Variants in UTRN observed in about 807,000 individuals in gnomAD.
The protein encoded by UTRN is utrophin.
UTRN carries 283 observed loss-of-function variants against 463.9 expected under a neutral mutation model. That is an observed-to-expected ratio of 0.61 (90% confidence interval 0.55 to 0.67). UTRN has a LOEUF of 0.67. Ranked by LOEUF, UTRN falls within the 30% of genes least tolerant of loss-of-function variation. The probability of loss-of-function intolerance (pLI) is 0.00; values close to 1 mark genes in which losing one functional copy is unlikely to be tolerated. For missense variants in UTRN, 3,922 were observed against 4,084.3 expected (o/e 0.96, Z 1.08); for synonymous variants, 1,442 against 1,431.5 (o/e 1.01, Z -0.17).
intron 74 of UTRN, among the ~76,000 whole-genome samples, chr6:144,849,124 A>G (rs1782270647): frequency 1.3e-5 from 2 of 152,220 alleles, no homozygotes; most frequent in South Asian, 4.1e-4. Flanking sequence ...GTTTGGGAAC[A>G]TGGGTTTTGC....
chr6:144,559,043 TAAC>T (rs1799631429), intron 50 of UTRN, among the ~76,000 whole-genome samples: 1 of 152,076 alleles, frequency 6.6e-6, no homozygotes, highest in South Asian at 2.1e-4. Flanking sequence ...CTTGTAAACT[TAAC>T]AAAAAATTTA....
At position 144,309,933 on chromosome 6, in the gene UTRN, G is replaced by C. The variant is rs527590541; in HGVS notation, c.79+18026G>C. Among the ~76,000 whole-genome samples, 287 of 152,306 alleles carry C rather than the reference G, an allele frequency of 1.9e-3. 2 individuals carry two copies. Among genetic ancestry groups the C allele is most frequent in the African/African-American group, 6.6e-3 (274 of 41,572 alleles). ...GAGCCCTCTTCTAGCAGATAACCTT[G>C]TGGCTAACTCCCTCCTCTCAGAGAG... is the stretch of plus-strand genomic sequence containing the variant. On this transcript the variant is annotated intron_variant, in intron 2 of 74. Coordinates refer to ENST00000367545, the MANE Select transcript of UTRN (RefSeq NM_007124.3).
At chr6:144,543,482 A>T (rs1354262570) in intron 46 of UTRN, among the ~76,000 whole-genome samples, 1 of 152,168 alleles carries the variant, frequency 6.6e-6, no homozygotes, top group African/African-American at 2.4e-5. Context: ...CTGAACCATC[A>T]TGCCCTGCTC....
chr6:144,649,182 AC>A (rs1368072481), intron 51 of UTRN, among the ~76,000 whole-genome samples: 1 of 152,206 alleles, frequency 6.6e-6, no homozygotes, highest in Non-Finnish European at 1.5e-5. Flanking sequence ...TTTAAAAAAA[AC>A]AAAACACGAG....
At chr6:144,530,181 AC>A (rs1796915754) in intron 41 of UTRN, among the ~76,000 whole-genome samples, 1 of 152,178 alleles carries the variant, frequency 6.6e-6, no homozygotes, top group Admixed American at 6.5e-5. Flanking sequence ...TTACTTTCCC[AC>A]AGTTCTGGAG....
intron 51 of UTRN, among the ~76,000 whole-genome samples, chr6:144,612,050 A>G (rs771151110): frequency 6.6e-6 from 1 of 152,170 alleles, no homozygotes; most frequent in Non-Finnish European, 1.5e-5. Flanking sequence ...AACAAGATAG[A>G]AAACCCACAA....
At chr6:144,750,283 G>A (rs1791240533) in intron 55 of UTRN, among the ~76,000 whole-genome samples, 1 of 150,028 alleles carries the variant, frequency 6.7e-6, no homozygotes, top group East Asian at 2.0e-4. Flanking sequence ...GTGTTTTTCT[G>A]TGTGTGCACA....
In UTRN at chr6:144,548,736, T is replaced by G; in HGVS notation, c.6692T>G (p.Leu2231Arg). 6.2e-7 allele frequency: 1 copy of G among 1,614,112 alleles called. No individual in the cohort carries two copies. ...RTSEISIPAD[L>R]DKTITELADW... ...TCGGAAATTTCAATTCCTGCTGATC[T>G]TGATAAAACTATAACAGAACTAGCC... The change falls in exon 47 of 75, where the codon CTT becomes CGT. Residue 2231 changes from leucine to arginine, a missense_variant. Leu to Arg is a moderately radical substitution (Grantham distance 102). Coordinates refer to ENST00000367545, the MANE Select transcript of UTRN (RefSeq NM_007124.3).
intron 50 of UTRN, among the ~76,000 whole-genome samples, chr6:144,569,259 A>C (rs1405482979): frequency 6.6e-6 from 1 of 152,100 alleles, no homozygotes; most frequent in Non-Finnish European, 1.5e-5. Context: ...ACTTAAACAC[A>C]TACATTCATT....
intron 51 of UTRN, among the ~76,000 whole-genome samples, chr6:144,592,537 A>G (rs1803199134): frequency 6.6e-6 from 1 of 151,904 alleles, no homozygotes. Flanking sequence ...CTTCCAGCTA[A>G]TTTTTGTATT....
intron 3 of UTRN, among the ~76,000 whole-genome samples, chr6:144,412,600 A>G (rs1233702539): frequency 6.6e-6 from 1 of 152,072 alleles, no homozygotes. Context: ...GAGAGAGACC[A>G]TAAAATTTAC....
intron 54 of UTRN, among the ~76,000 whole-genome samples, chr6:144,733,985 T>G (rs981170956): frequency 4.6e-5 from 7 of 152,210 alleles, no homozygotes; most frequent in Non-Finnish European, 1.0e-4. Flanking sequence ...AATAAAAGTT[T>G]GATGAAGAGT....
chr6:144,360,851 T>G (rs1779021343), intron 2 of UTRN, among the ~76,000 whole-genome samples: 2 of 152,200 alleles, frequency 1.3e-5, no homozygotes, highest in South Asian at 4.1e-4. Context: ...GTCTCCTTTC[T>G]CTACTCCCTA....
intron 2 of UTRN, among the ~76,000 whole-genome samples, chr6:144,381,290 A>G (rs1780896305): frequency 6.6e-6 from 1 of 152,088 alleles, no homozygotes. Flanking sequence ...TTCTGTTCAT[A>G]TGTTAATTTG....
chr6:144,406,356 CT>C (rs57721924), intron 3 of UTRN, among the ~76,000 whole-genome samples: 5,839 of 125,144 alleles, frequency 0.047, 114 homozygotes, highest in East Asian at 0.15. Context: ...TTTTTCTTTT[CT>C]TTTTTTTTTT....
At chr6:144,772,949 T>C (rs1278738303) in intron 59 of UTRN, among the ~76,000 whole-genome samples, 1 of 151,450 alleles carries the variant, frequency 6.6e-6, no homozygotes, top group Non-Finnish European at 1.5e-5. Context: ...CCTTTTTTAA[T>C]CTCTTTAAAT....
rs530132148 is a variant in UTRN, at chr6:144,444,319, T to C, written c.1551T>C (p.Thr517=). The change falls in exon 14 of 75, where the codon ACT becomes ACC. Residue 517 remains threonine (T), a synonymous_variant. Coordinates refer to ENST00000367545, the MANE Select transcript of UTRN (RefSeq NM_007124.3). ...GERWTAVCRW[T]EERWNRLQEI... is the part of the protein sequence containing the mutation. ...GCTGGACAGCAGTATGCCGTTGGAC[T>C]GAAGAACGCTGGAATAGGTTACAAG... 4.0e-5 allele frequency: 64 copies of C among 1,611,872 alleles called. No homozygotes were observed. In the Admixed American group the frequency reaches 8.7e-4, roughly 22 times the overall value.
At chr6:144,451,698 TTCA>T (rs1348383403) in intron 18 of UTRN, among the ~76,000 whole-genome samples, 2 of 152,072 alleles carry the variant, frequency 1.3e-5, no homozygotes, top group Non-Finnish European at 2.9e-5. Flanking sequence ...TTTTTTTTTT[TTCA>T]TCTTTGTCAG....
At chr6:144,356,092 G>A (rs949846135) in intron 2 of UTRN, among the ~76,000 whole-genome samples, 1 of 152,170 alleles carries the variant, frequency 6.6e-6, no homozygotes, top group Non-Finnish European at 1.5e-5. Flanking sequence ...TCAAAAGGGG[G>A]AAGGTTACTT....
Sources: allele counts gnomAD v4.1 joint callset (sites outside exome capture counted in the v4.1 genomes callset), GRCh38; gene constraint gnomAD v4.1.1; transcripts MANE v1.5; gene names NCBI Gene and HGNC (gene_info 2026-07-23, HGNC 2026-07-21).